Variants in BCAS4 observed in about 807,000 individuals in gnomAD.
BCAS4 encodes breast carcinoma-amplified sequence 4.
BCAS4 carries 9 observed loss-of-function variants against 15.7 expected under a neutral mutation model. That is an observed-to-expected ratio of 0.57 (90% CI 0.34 to 1.00). The LOEUF is 1.00. Ranked by LOEUF, BCAS4 falls within the 50% of genes least tolerant of loss-of-function variation. The probability of loss-of-function intolerance (pLI) is 0.02; values close to 1 mark genes in which losing one functional copy is unlikely to be tolerated. For missense variants in BCAS4, 225 were observed against 239.1 expected (o/e 0.94, Z 0.39); for synonymous variants, 101 against 99.5 (o/e 1.02, Z -0.09).
chr20:50,817,852 G>A (rs987276396), intron 1 of BCAS4, among the ~76,000 whole-genome samples: 4 of 151,960 alleles, frequency 2.6e-5, no homozygotes, highest in Non-Finnish European at 5.9e-5. Context: ...TCCTTGCCCC[G>A]CTGTTTGTTA....
chr20:50,858,331 G>T (rs1416878964), intron 4 of BCAS4, among the ~76,000 whole-genome samples: 1 of 152,150 alleles, frequency 6.6e-6, no homozygotes, highest in Non-Finnish European at 1.5e-5. Context: ...GACGGGCATG[G>T]TGGCTCACAC....
In BCAS4 at chr20:50,851,300, A is replaced by T. The variant is rs1464675824; in HGVS notation, c.399+9400A>T. ...GCAGCAGGAGCAGATAGCAAATATG[A>T]GGACCACGACTGTGGAGGGCCGAGG... On this transcript the variant is annotated intron_variant, in intron 4 of 4. Transcript: ENST00000371608. The surrounding 1 kb of genome is among the most constrained non-coding windows in gnomAD (Gnocchi z 4.3). 6.6e-6 allele frequency among the ~76,000 whole-genome samples: 1 copy of T among 152,078 alleles called. No individual in the cohort carries two copies. The highest frequency in any genetic ancestry group is 1.9e-4 in the East Asian group (1 of 5,190).
At chr20:50,862,742 G>A (rs1224174056) in intron 4 of BCAS4, among the ~76,000 whole-genome samples, 1 of 151,862 alleles carries the variant, frequency 6.6e-6, no homozygotes, top group Admixed American at 6.5e-5. Flanking sequence ...CATAGCTCTA[G>A]GGAAGGAATT....
At chr20:50,799,093 T>C (rs987002516) in intron 1 of BCAS4, among the ~76,000 whole-genome samples, 6 of 152,330 alleles carry the variant, frequency 3.9e-5, no homozygotes, top group Admixed American at 3.9e-4. Flanking sequence ...GACTTTTCAC[T>C]GCCTTTAGCA....
At chr20:50,854,387 G>A (rs772014269) in intron 4 of BCAS4, among the ~76,000 whole-genome samples, 9 of 152,190 alleles carry the variant, frequency 5.9e-5, no homozygotes, top group Non-Finnish European at 1.2e-4. Context: ...CAGCTGAGGC[G>A]CATAAGTTGT....
chr20:50,845,804 C>T (rs1366040310), intron 4 of BCAS4, among the ~76,000 whole-genome samples: 1 of 152,236 alleles, frequency 6.6e-6, no homozygotes, highest in Non-Finnish European at 1.5e-5. Context: ...TATTGGGTGG[C>T]CCCACGGGAA....
chr20:50,815,569 G>C (rs1304623974), intron 1 of BCAS4, among the ~76,000 whole-genome samples: 2 of 152,184 alleles, frequency 1.3e-5, no homozygotes, highest in African/African-American at 4.8e-5. Context: ...GGGGTTGGGT[G>C]GGGGAATGAT....
chr20:50,842,425 G>A (rs1242829901), intron 4 of BCAS4, among the ~76,000 whole-genome samples: 1 of 152,132 alleles, frequency 6.6e-6, no homozygotes, highest in Non-Finnish European at 1.5e-5. Flanking sequence ...TGTCCTTTTT[G>A]TCTTGTTTTG....
intron 1 of BCAS4, among the ~76,000 whole-genome samples, chr20:50,798,194 G>T (rs1204013144): frequency 6.6e-6 from 1 of 151,974 alleles, no homozygotes; most frequent in African/African-American, 2.4e-5. Flanking sequence ...TACTTGGGAG[G>T]CTGAGGCATA....
At chr20:50,818,142 A>G in intron 1 of BCAS4, 69 bp from the exon 2 acceptor site, 1 of 1,488,204 alleles carries the variant, frequency 6.7e-7, no homozygotes, top group African/African-American at 1.4e-5. Context: ...TAAAAAAAAA[A>G]AAAAAATGAA....
intron 1 of BCAS4, among the ~76,000 whole-genome samples, chr20:50,807,338 A>G (rs779638572): frequency 2.6e-5 from 4 of 151,070 alleles, no homozygotes; most frequent in Non-Finnish European, 5.9e-5. Flanking sequence ...GACTACAGGC[A>G]TGTGCCACCA....
rs541288232 is a variant in BCAS4, at chr20:50,810,523, G to C, written c.91-7688G>C. The stretch of plus-strand genomic sequence containing the variant: ...GAGACAAAAACCTGTGTCCTCCGGA[G>C]GTTTCATTCTGGTGGGGAAGATGAC... On this transcript the variant is annotated intron_variant, in intron 1 of 4. Transcript: ENST00000371608. Among the ~76,000 whole-genome samples the C allele has an allele frequency of 1.9e-4, 29 of 152,070 alleles. 1 individual carries two copies. In the South Asian group the frequency reaches 5.8e-3, roughly 31 times the overall value.
intron 1 of BCAS4, among the ~76,000 whole-genome samples, chr20:50,798,851 G>A (rs975191500): frequency 5.3e-5 from 8 of 152,192 alleles, no homozygotes; most frequent in Admixed American, 2.6e-4. Context: ...ATTGTGTCAC[G>A]GCAGTGACCT....
chr20:50,869,194 T>C (rs1979506621), intron 4 of BCAS4, among the ~76,000 whole-genome samples: 1 of 152,190 alleles, frequency 6.6e-6, no homozygotes, highest in African/African-American at 2.4e-5. Flanking sequence ...TAGGCATGGT[T>C]GTTTTCACAG....
At position 50,836,444 on chromosome 20, in the gene BCAS4, A is replaced by G. The variant is rs999121333; in HGVS notation, c.265-5322A>G. On this transcript the variant is annotated intron_variant, in intron 3 of 4. Transcript: ENST00000371608. Reference sequence around the variant, plus strand: ...CCCCTCAGAGTCATTGTGAGGATTAAATGAGACCCGCACCTGCCATCTTGC... The same window carrying G: ...CCCCTCAGAGTCATTGTGAGGATTAGATGAGACCCGCACCTGCCATCTTGC... Among the ~76,000 whole-genome samples, 5 of 152,308 alleles carry G rather than the reference A, an allele frequency of 3.3e-5. No individual in the cohort carries two copies. In the East Asian group the frequency reaches 9.6e-4, roughly 29 times the overall value.
chr20:50,845,378 TA>T (rs1217313254), intron 4 of BCAS4, among the ~76,000 whole-genome samples: 1 of 152,112 alleles, frequency 6.6e-6, no homozygotes, highest in Non-Finnish European at 1.5e-5. Flanking sequence ...GTGCCATCTG[TA>T]GTCAGTTCCC....
At chr20:50,857,574 G>A (rs6020795) in intron 4 of BCAS4, among the ~76,000 whole-genome samples, 2,395 of 152,312 alleles carry the variant, frequency 0.016, 68 homozygotes, top group African/African-American at 0.053. Flanking sequence ...TAGGAAGGGG[G>A]ACCGCTGCCA....
At chr20:50,809,869 C>T (rs943250419) in intron 1 of BCAS4, among the ~76,000 whole-genome samples, 5 of 152,040 alleles carry the variant, frequency 3.3e-5, no homozygotes, top group African/African-American at 1.2e-4. Context: ...GCAGCTGTTG[C>T]AAAAGAAGTT....
At chr20:50,805,066 G>T (rs1299464636) in intron 1 of BCAS4, among the ~76,000 whole-genome samples, 3 of 152,148 alleles carry the variant, frequency 2.0e-5, no homozygotes, top group African/African-American at 7.2e-5. Context: ...TTGTGTGTGT[G>T]TGTGTGTATT....
Sources: gnomAD v4.1 joint callset for allele counts (sites outside exome capture counted in the v4.1 genomes callset) on GRCh38, gnomAD v4.1.1 for gene constraint, Gnocchi (gnomAD v3.1) non-coding constraint, MANE v1.5 for transcripts, NCBI Gene and HGNC (gene_info 2026-07-23, HGNC 2026-07-21) for gene names.